The following QRICH2 variants were observed in gnomAD, a reference collection of about 807,000 sequenced individuals.
The protein encoded by QRICH2 is glutamine-rich protein 2.
In QRICH2, 119 loss-of-function variants were observed where a neutral mutation model predicts 168.3. The ratio of observed to expected loss-of-function variants is 0.71; its 90% CI spans 0.61 to 0.82. The LOEUF (loss-of-function observed/expected upper bound fraction) is 0.82, where lower values mean the gene tolerates loss of function less well. QRICH2 is among the 40% of genes least tolerant of loss of function. The pLI, the probability that QRICH2 is intolerant of heterozygous loss-of-function variation, is 0.00. For missense variants in QRICH2, 2,241 were observed against 2,491.6 expected, an observed-to-expected ratio of 0.90 and a Z score of 2.14; for synonymous variants, 894 against 951.2, an observed-to-expected ratio of 0.94 and a Z score of 1.11.
At position 76,274,110 on chromosome 17, in the gene QRICH2, G is replaced by T. The variant is rs750579146; in HGVS notation, c.5633C>A (p.Thr1878Lys). The part of the protein sequence containing the change: ...MPPGEGLEEP[T>K]RGPRSSTAQ Reference sequence around the variant, plus strand: ...AGCGGTGCTGGACCGCGGCCCCCGCGTGGGCTCCTCGAGCCCCTCCCCAGG... The same window carrying T: ...AGCGGTGCTGGACCGCGGCCCCCGCTTGGGCTCCTCGAGCCCCTCCCCAGG... The change falls in exon 19 of 19, where the codon ACG (threonine) becomes AAG (lysine). Residue 1878 changes from threonine to lysine, a missense_variant. Transcript: ENST00000680821. 2 of 1,583,656 alleles carry T rather than the reference G, an allele frequency of 1.3e-6. No individual in the cohort carries two copies. The highest frequency in any genetic ancestry group is 2.4e-5 in the East Asian group (1 of 41,774).
chr17:76,305,159 G>A (rs1353333079), intron 1 of QRICH2, among the ~76,000 whole-genome samples: 5 of 138,098 alleles, frequency 3.6e-5, no homozygotes, highest in Non-Finnish European at 7.5e-5. Flanking sequence ...GGGTTTTTTT[G>A]GTTTCCTTTT....
At position 76,281,210 on chromosome 17, in the gene QRICH2, A is replaced by G. The variant is rs1448781926; in HGVS notation, c.4264-257T>C. On this transcript the variant is annotated intron_variant, in intron 8 of 18. Coordinates refer to ENST00000680821, the MANE Select transcript of QRICH2 (RefSeq NM_001388453.1). This position sits in a 1 kb window ranked among gnomAD's most constrained non-coding sequence, Gnocchi z 4.4. ...AACAATGGAAAACAATTTTCCACTA[A>G]CAGTGCGGGAGGCCCTCTGTCTGCC... Among the ~76,000 whole-genome samples the G allele has an allele frequency of 1.3e-5, 2 of 152,160 alleles. No homozygotes were observed.
chr17:76,275,975 G>C, intron 17 of QRICH2, 28 bp from the exon 18 acceptor site: 1 of 1,600,864 alleles, frequency 6.2e-7, no homozygotes, highest in Non-Finnish European at 8.5e-7. Context: ...GGAAGGGTCA[G>C]TGCTGAGGCA....
chr17:76,301,703 A>ATTTT lies in QRICH2; in HGVS notation c.705+2708_705+2711dup, dbSNP rs370779519. ...ATCTTAGAGTTGGTGGTGTTTTATA[A>ATTTT]TTTTTTTTTTTTTTTTTGAGACAGG... On this transcript the variant is annotated intron_variant, in intron 3 of 18. Coordinates refer to ENST00000680821, the MANE Select transcript of QRICH2 (RefSeq NM_001388453.1). 3.8e-3 allele frequency among the ~76,000 whole-genome samples: 465 copies of ATTTT among 121,770 alleles called. 24 individuals carry two copies. The highest frequency in any genetic ancestry group is 0.015 in the African/African-American group (436 of 29,178). The allele number at this position is 121,770 out of a possible 152,430, so 79.9% of individuals were successfully genotyped here. A position where few individuals can be genotyped will look rare whatever the true frequency, so the allele number is the denominator to read the frequency against.
Position 76,293,804 on chromosome 17 carries a change from G to A in QRICH2, c.923C>T (p.Ser308Phe), listed in dbSNP as rs763422814. 6.2e-7 allele frequency: 1 copy of A among 1,614,048 alleles called. No individual in the cohort carries two copies. Among genetic ancestry groups the A allele is most frequent in the South Asian group, 1.1e-5 (1 of 91,064 alleles). The change falls in exon 4 of 19, where the codon TCT becomes TTT. Residue 308 changes from serine to phenylalanine, a missense_variant. Transcript: ENST00000680821. ...CGGCTGCTGCTGTCTCCCAGTACCA[G>A]AGGGGACCTTGCTTTGTTCCCTACT... Reference protein sequence around the residue: ...VSSREQSKVPSGTGRQQQPRA... With the variant: ...VSSREQSKVPFGTGRQQQPRA...
rs1166336239 is a variant in QRICH2 at position 76,292,144 on chromosome 17, C to G, written c.2583G>C (p.Leu861Phe). ...CACGCTGATCCACTCCAGGTTGGACCAAACCACGCTGATCTGCACCAGGTT... is the reference window on the plus strand; with the variant it reads ...CACGCTGATCCACTCCAGGTTGGACGAAACCACGCTGATCTGCACCAGGTT... ...LVQPGADQRG[L>F]VQPGVDQRGL... is the part of the protein sequence containing the mutation. Residue 861 changes from leucine (L) to phenylalanine (F), a missense_variant, in exon 4 of 19, where the codon TTG becomes TTC. Transcript: ENST00000680821. 4 of 1,523,878 alleles carry G rather than the reference C, an allele frequency of 2.6e-6. No homozygotes were observed. The highest frequency in any genetic ancestry group is 2.8e-5 in the African/African-American group (2 of 70,492). 94.4% of individuals were successfully genotyped at this position (1,523,878 alleles called of 1,614,324 possible).
Position 76,281,860 on chromosome 17 carries a change from C to A in QRICH2, c.4263+4G>T. ...CAGCAGGAGGGAGGCGAGCAGAGCC[C>A]CACCTGTCTCTGGAGCTTGGCCTTC... On this transcript the variant is annotated splice_donor_region_variant and intron_variant, in intron 8 of 18. Coordinates refer to ENST00000680821, the MANE Select transcript of QRICH2 (RefSeq NM_001388453.1). This position sits in a 1 kb window ranked among gnomAD's most constrained non-coding sequence, Gnocchi z 4.4. 1 of 1,612,328 alleles carries A rather than the reference C, an allele frequency of 6.2e-7. No individual in the cohort carries two copies. Among genetic ancestry groups the A allele is most frequent in the Middle Eastern group, 1.7e-4 (1 of 6,058 alleles).
Position 76,293,749 on chromosome 17 carries a change from T to A in QRICH2, c.978A>T (p.Arg326=). The A allele has an allele frequency of 6.2e-7, 1 of 1,613,812 alleles. No homozygotes were observed. Among genetic ancestry groups the A allele is most frequent in the Non-Finnish European group, 8.5e-7 (1 of 1,179,904 alleles). The part of the protein sequence containing the change: ...PRARDEAGVP[R]LHQSSTFQFK... ...ATTGGAATGTAGAAGACTGATGGAG[T>A]CGTGGCACGCCAGCTTCATCACGGG... Residue 326 remains arginine (R), a synonymous_variant, in exon 4 of 19, where the codon CGA becomes CGT. Transcript: ENST00000680821.
rs1224071649 is a variant in QRICH2, at chr17:76,292,502, T to G, written c.2225A>C (p.Gln742Pro). Reference protein sequence around the residue: ...QPGVDQRGLAQPRADHQRGLV... With the variant: ...QPGVDQRGLAPPRADHQRGLV... ...ACCACGCTGATGATCTGCACGAGGT[T>G]GTGCCAAACCACGCTGATCTACTCC... Residue 742 changes from glutamine (Q) to proline (P), a missense_variant, in exon 4 of 19, where the codon CAA becomes CCA. Around this residue, in one of 3 missense-constraint regions of QRICH2, gnomAD observed 2,047 missense variants for 2,303.8 expected, o/e 0.89. Coordinates refer to ENST00000680821, the MANE Select transcript of QRICH2 (RefSeq NM_001388453.1). 1 of 1,565,546 alleles carries G rather than the reference T, an allele frequency of 6.4e-7. No individual in the cohort carries two copies. The highest frequency in any genetic ancestry group is 1.1e-5 in the South Asian group (1 of 87,998).
At position 76,275,905 on chromosome 17, in the gene QRICH2, TG is replaced by T; in HGVS notation, c.5395del (p.His1799ThrfsTer95). ...SKRKSQQPRP[H>X]VHRPPSLSSN... ...GCTGAGGGATGGCGGCCTGTGCACG[TG>T]GGGCCTGGGCTGCTGGGACTTGCGC... On this transcript the variant is annotated frameshift_variant, in exon 18 of 19. Transcript: ENST00000680821. LOFTEE classifies it high-confidence loss of function. The T allele has an allele frequency of 6.2e-7, 1 of 1,608,964 alleles. No individual in the cohort carries two copies. Among genetic ancestry groups the T allele is most frequent in the Non-Finnish European group, 8.5e-7 (1 of 1,179,912 alleles).
chr17:76,277,445 G>A (rs1342285778), intron 15 of QRICH2, 135 bp from the exon 16 acceptor site: 1 of 1,089,204 alleles, frequency 9.2e-7, no homozygotes, highest in Non-Finnish European at 1.3e-6. Context: ...TGAGCAGCAG[G>A]GGCCCAGAAC....
Position 76,282,035 on chromosome 17 carries a change from C to CT in QRICH2, c.4091dup (p.Ala1365GlyfsTer12), listed in dbSNP as rs2070798259. ...TCTGGCCAGGAGCCAAGGTGTGGGC[C>CT]TTGTGCGGGGCCATGCTCATGGACA... On this transcript the variant is annotated frameshift_variant, in exon 8 of 19. Coordinates refer to ENST00000680821, the MANE Select transcript of QRICH2 (RefSeq NM_001388453.1). LOFTEE classifies it high-confidence loss of function. 6.2e-7 allele frequency: 1 copy of CT among 1,613,656 alleles called. No individual in the cohort carries two copies. The highest frequency in any genetic ancestry group is 8.5e-7 in the Non-Finnish European group (1 of 1,179,802).
rs73354359 is a variant in QRICH2, at chr17:76,304,350, T to C, written c.705+65A>G. On this transcript the variant is annotated intron_variant, in intron 3 of 18. Coordinates refer to ENST00000680821, the MANE Select transcript of QRICH2 (RefSeq NM_001388453.1). ...TCCATAGAACAGAATCCTGTGCAGC[T>C]GTACAAAGCGAGAAGTTCTGGGGAG... 7,827 of 971,042 alleles carry C rather than the reference T, an allele frequency of 8.1e-3. 369 individuals are homozygous for C. The African/African-American group carries it at 0.11, about 13-fold the overall frequency. The allele number at this position is 971,042 out of a possible 1,614,324, so 60.2% of individuals were successfully genotyped here. A position where few individuals can be genotyped will look rare whatever the true frequency, so the allele number is the denominator to read the frequency against.
rs943169376 is a variant in QRICH2, at chr17:76,274,078, C to T, written c.*1G>A. On this transcript the variant is annotated 3_prime_UTR_variant, in exon 19 of 19. Transcript: ENST00000680821. ...TCCTGAATGTTTATTTACACCTCCG[C>T]TCACTGAGCGGTGCTGGACCGCGGC... The T allele has an allele frequency of 6.5e-7, 1 of 1,546,214 alleles. No individual in the cohort carries two copies. The highest frequency in any genetic ancestry group is 8.7e-7 in the Non-Finnish European group (1 of 1,152,756).
chr17:76,286,406 T>C (rs113046683), intron 7 of QRICH2, among the ~76,000 whole-genome samples: 3,832 of 152,244 alleles, frequency 0.025, 52 homozygotes, highest in Non-Finnish European at 0.039. Flanking sequence ...CAAAAGTGTA[T>C]GTTGCATGAT....
chr17:76,279,529 G>A (rs1598478508), intron 12 of QRICH2, 101 bp from the exon 13 acceptor site: 2 of 853,776 alleles, frequency 2.3e-6, no homozygotes, highest in African/African-American at 1.7e-5. Flanking sequence ...CCACCAGGGT[G>A]CAGATCATGT....
intron 7 of QRICH2, among the ~76,000 whole-genome samples, chr17:76,282,377 G>A (rs1217453010): frequency 1.3e-5 from 2 of 152,202 alleles, no homozygotes; most frequent in African/African-American, 4.8e-5. Flanking sequence ...TCTCCAGCCA[G>A]CCCACCAGCT....
chr17:76,276,131 C>CACCCCCCCCACCCA (rs111375686), intron 17 of QRICH2, among the ~76,000 whole-genome samples, 184 bp from the exon 18 acceptor site: 1 of 140,300 alleles, frequency 7.1e-6, no homozygotes, highest in Non-Finnish European at 1.5e-5. Flanking sequence ...TTCTCGTGGC[C>CACCCCCCCCACCCA]ACCCACCCAC....
At chr17:76,294,053 A>G in intron 3 of QRICH2, 32 bp from the exon 4 acceptor site, 4 of 1,558,256 alleles carry the variant, frequency 2.6e-6, no homozygotes, top group Non-Finnish European at 3.5e-6. Context: ...AATCAATAAC[A>G]GTCAAAATAT....
Sources: allele counts gnomAD v4.1 joint callset (sites outside exome capture counted in the v4.1 genomes callset), GRCh38; gene constraint gnomAD v4.1.1; regional missense constraint gnomAD v4.1.1; non-coding constraint Gnocchi (gnomAD v3.1); transcripts MANE v1.5; gene names NCBI Gene and HGNC (gene_info 2026-07-23, HGNC 2026-07-21).